NUAK2: variants seen among roughly 807,000 people sequenced by gnomAD.
NUAK2 encodes the protein NUAK family kinase 2.
NUAK2 carries 20 observed loss-of-function variants against 29.8 expected under a neutral mutation model. The ratio of observed to expected loss-of-function variants is 0.67; its 90% CI spans 0.47 to 0.98. The LOEUF is 0.98. Ranked by LOEUF, NUAK2 falls within the 50% of genes least tolerant of loss-of-function variation. The pLI, the probability that NUAK2 is intolerant of heterozygous loss-of-function variation, is 0.00. For missense variants in NUAK2, 719 were observed against 834.5 expected, an observed-to-expected ratio of 0.86 and a Z score of 1.71; for synonymous variants, 331 against 342.6, an observed-to-expected ratio of 0.97 and a Z score of 0.37.
At position 205,321,505 on chromosome 1, in the gene NUAK2, G is replaced by A; in HGVS notation, c.124C>T (p.Arg42Trp). Reference protein sequence around the residue: ...KPLMKKQAVKRHHHKHNLRHR... With the variant: ...KPLMKKQAVKWHHHKHNLRHR... ...CGCAGGTTGTGCTTGTGGTGGTGCC[G>A]CTTCACCGCCTGCTTCTTCATTAGG... The change falls in exon 1 of 7, where the codon CGG (arginine) becomes TGG (tryptophan). Residue 42 changes from arginine (R) to tryptophan (W), a missense_variant. Coordinates refer to ENST00000367157, the MANE Select transcript of NUAK2 (RefSeq NM_030952.3). 1.2e-6 allele frequency: 2 copies of A among 1,613,970 alleles called. No homozygotes were observed. The highest frequency in any genetic ancestry group is 1.7e-6 in the Non-Finnish European group (2 of 1,179,892).
intron 1 of NUAK2, among the ~76,000 whole-genome samples, chr1:205,314,909 G>A (rs1394591676): frequency 6.6e-6 from 1 of 152,136 alleles, no homozygotes; most frequent in Non-Finnish European, 1.5e-5. Context: ...CCAAAAAAGG[G>A]AGAAAGGGGT....
At chr1:205,309,014 C>CA (rs1473843368) in intron 2 of NUAK2, among the ~76,000 whole-genome samples, 5 of 151,696 alleles carry the variant, frequency 3.3e-5, no homozygotes, top group African/African-American at 1.2e-4. Flanking sequence ...CCTGCCCTTT[C>CA]AGGAAGGCAG....
intron 4 of NUAK2, 118 bp from the exon 5 acceptor site, chr1:205,306,425 TC>T: frequency 7.4e-7 from 1 of 1,342,874 alleles, no homozygotes; most frequent in Non-Finnish European, 1.0e-6. Context: ...AAGGAAAGGG[TC>T]CCCATGACCC....
Position 205,304,014 on chromosome 1 carries a change from G to C in NUAK2, c.1323C>G (p.Pro441=), listed in dbSNP as rs41264881. The C allele has an allele frequency of 0.14, 225,413 of 1,613,920 alleles. 16,920 individuals carry two copies. The highest frequency in any genetic ancestry group is 0.15 in the Non-Finnish European group (182,517 of 1,179,926). The change falls in exon 7 of 7, where the codon CCC becomes CCG. Residue 441 remains proline, a synonymous_variant. Coordinates refer to ENST00000367157, the MANE Select transcript of NUAK2 (RefSeq NM_030952.3). The surrounding 1 kb of genome is among the most constrained non-coding windows in gnomAD (Gnocchi z 6.5). ...TGAGAATGCCCTTCTTGGGGAGCAG[G>C]GGGGCAGCCTGCCCTGGGCTCGCAG... ...PIPASPGQAA[P]LLPKKGILKK...
intron 1 of NUAK2, among the ~76,000 whole-genome samples, chr1:205,314,221 C>A (rs1457436346): frequency 6.6e-6 from 1 of 152,232 alleles, no homozygotes; most frequent in African/African-American, 2.4e-5. Context: ...CCCACTCCTC[C>A]CCCAGAGCTT....
rs1422487391 is a variant in NUAK2 at position 205,306,306 on chromosome 1, A to G, written c.572T>C (p.Ile191Thr). Residue 191 changes from isoleucine to threonine, a missense_variant and splice_region_variant, in exon 5 of 7, where the codon ATT becomes ACT. By Grantham distance (89) the Ile-to-Thr change is moderately conservative. This residue lies in a region of NUAK2 where 283 missense variants were observed against 345.6 expected (regional missense o/e 0.82). Transcript: ENST00000367157. ...GAGGTTGGAGAGACCGAAGTCAGCA[A>G]TCTGCAGGATTGAGTCAAACACGGG... is the stretch of plus-strand genomic sequence containing the variant. Reference protein sequence around the residue: ...ILLDANGNIKIADFGLSNLYH... With the variant: ...ILLDANGNIKTADFGLSNLYH... 6.2e-7 allele frequency: 1 copy of G among 1,610,628 alleles called. No individual in the cohort carries two copies. The highest frequency in any genetic ancestry group is 1.1e-5 in the South Asian group (1 of 90,626).
chr1:205,320,851 A>G (rs758766638), intron 1 of NUAK2, among the ~76,000 whole-genome samples: 5 of 152,134 alleles, frequency 3.3e-5, no homozygotes, highest in Non-Finnish European at 5.9e-5. Flanking sequence ...TCATAATGAA[A>G]TTTCAACTAA....
At chr1:205,319,401 G>A (rs1385372124) in intron 1 of NUAK2, among the ~76,000 whole-genome samples, 1 of 152,170 alleles carries the variant, frequency 6.6e-6, no homozygotes, top group South Asian at 2.1e-4. Flanking sequence ...GGAATCAAAT[G>A]AGATCTCTCT....
Position 205,321,685 on chromosome 1 carries a change from C to G in NUAK2, c.-57G>C. On this transcript the variant is annotated 5_prime_UTR_variant, in exon 1 of 7. Coordinates refer to ENST00000367157, the MANE Select transcript of NUAK2 (RefSeq NM_030952.3). ...GAATCAGTAGGCTGTGCGGGGAGGG[C>G]TGAAGCGCGGGGCACAGGTCCCGCA... The G allele has an allele frequency of 1.4e-6, 2 of 1,455,944 alleles. No individual in the cohort carries two copies. The highest frequency in any genetic ancestry group is 1.9e-6 in the Non-Finnish European group (2 of 1,068,294). 90.2% of individuals were successfully genotyped at this position (1,455,944 alleles called of 1,614,324 possible).
chr1:205,303,733 C>G lies in NUAK2; in HGVS notation c.1604G>C (p.Arg535Pro), dbSNP rs563402132. The G allele has an allele frequency of 6.5e-7, 1 of 1,538,760 alleles. No individual in the cohort carries two copies. Among genetic ancestry groups the G allele is most frequent in the Non-Finnish European group, 8.7e-7 (1 of 1,144,404 alleles). ...CACAGCCCCTGAGGGTCGGCTGGCCCGGGCCAGGGGGCGAGGTGGGGCGAG... is the reference window on the plus strand; with the variant it reads ...CACAGCCCCTGAGGGTCGGCTGGCCGGGGCCAGGGGGCGAGGTGGGGCGAG... The part of the protein sequence containing the change: ...DELAPPRPLA[R>P]ASRPSGAVSE... The change falls in exon 7 of 7, where the codon CGG becomes CCG. Residue 535 changes from arginine (R) to proline (P), a missense_variant. Around this residue, in one of 3 missense-constraint regions of NUAK2, gnomAD observed 430 missense variants for 465.7 expected, o/e 0.92. Transcript: ENST00000367157.
intron 2 of NUAK2, among the ~76,000 whole-genome samples, chr1:205,309,443 C>T (rs1195908458): frequency 2.0e-5 from 3 of 152,180 alleles, no homozygotes; most frequent in African/African-American, 4.8e-5. Flanking sequence ...TCTCCTGCCT[C>T]ACCCTCTCGA....
At chr1:205,315,743 C>T (rs114481844) in intron 1 of NUAK2, among the ~76,000 whole-genome samples, 2,689 of 152,148 alleles carry the variant, frequency 0.018, 92 homozygotes, top group African/African-American at 0.061. Context: ...CCTGGTGATG[C>T]ATTCCTGTAA....
In NUAK2 at chr1:205,303,695, T is replaced by C. The variant is rs1662123997; in HGVS notation, c.1642A>G (p.Ile548Val). 4 of 1,545,158 alleles carry C rather than the reference T, an allele frequency of 2.6e-6. No individual in the cohort carries two copies. The highest frequency in any genetic ancestry group is 3.5e-6 in the Non-Finnish European group (4 of 1,147,436). The change falls in exon 7 of 7, where the codon ATC (isoleucine) becomes GTC (valine). Residue 548 changes from isoleucine (I) to valine (V), a missense_variant. This residue lies in a region of NUAK2 where 430 missense variants were observed against 465.7 expected (regional missense o/e 0.92). Transcript: ENST00000367157. ...TGGTCAAAGGACTCAGAGGACAGGATGCTGTCCTCGCTCACAGCCCCTGAG... is the reference window on the plus strand; with the variant it reads ...TGGTCAAAGGACTCAGAGGACAGGACGCTGTCCTCGCTCACAGCCCCTGAG... ...RPSGAVSEDS[I>V]LSSESFDQLD...
Position 205,303,345 on chromosome 1 carries a change from G to A in NUAK2, c.*105C>T. ...CCACTGCAAACCCTCTCAGCCTTCT[G>A]AGCTGGGATGCAGGTCCTGGGAGGT... On this transcript the variant is annotated 3_prime_UTR_variant, in exon 7 of 7. Coordinates refer to ENST00000367157, the MANE Select transcript of NUAK2 (RefSeq NM_030952.3). 3 of 1,025,388 alleles carry A rather than the reference G, an allele frequency of 2.9e-6. No individual in the cohort carries two copies. The highest frequency in any genetic ancestry group is 1.6e-5 in the African/African-American group (1 of 61,460). The allele number at this position is 1,025,388 out of a possible 1,614,324, so 63.5% of individuals were successfully genotyped here.
chr1:205,302,127 T>C lies in NUAK2; in HGVS notation c.*1323A>G, dbSNP rs1287591784. On this transcript the variant is annotated 3_prime_UTR_variant, in exon 7 of 7. Coordinates refer to ENST00000367157, the MANE Select transcript of NUAK2 (RefSeq NM_030952.3). ...ACGGAGGTCCATTAGGTAGAGACCA[T>C]TAGGTAAAGAGACTCAAGAGTGTGG... The C allele has an allele frequency of 6.6e-6, 1 of 152,402 alleles. No individual in the cohort carries two copies. The highest frequency in any genetic ancestry group is 6.6e-5 in the Admixed American group (1 of 15,244). The allele number at this position is 152,402 out of a possible 1,614,324, so 9.4% of individuals were successfully genotyped here.
At chr1:205,306,934 TC>T (rs1662189715) in intron 4 of NUAK2, among the ~76,000 whole-genome samples, 1 of 152,206 alleles carries the variant, frequency 6.6e-6, no homozygotes, top group African/African-American at 2.4e-5. Context: ...AAGGGCTCAT[TC>T]CTGTGTGCAC....
chr1:205,305,772 C>CA (rs1662171392), intron 5 of NUAK2, among the ~76,000 whole-genome samples: 1 of 152,168 alleles, frequency 6.6e-6, no homozygotes, highest in South Asian at 2.1e-4. Context: ...AGTGCAGTGG[C>CA]ATGATCCTGG....
chr1:205,321,455 G>C lies in NUAK2; in HGVS notation c.174C>G (p.Thr58=), dbSNP rs775804670. 3 of 1,613,988 alleles carry C rather than the reference G, an allele frequency of 1.9e-6. No individual in the cohort carries two copies. The highest frequency in any genetic ancestry group is 2.2e-5 in the South Asian group (2 of 91,078). ...NLRHRYEFLE[T]LGKGTYGKVK... is the part of the protein sequence containing the mutation. Reference sequence around the variant, plus strand: ...CCTTCCCGTAGGTGCCTTTGCCCAGGGTCTCCAGGAACTCGTAGCGGTGCC... The same window carrying C: ...CCTTCCCGTAGGTGCCTTTGCCCAGCGTCTCCAGGAACTCGTAGCGGTGCC... The change falls in exon 1 of 7, where the codon ACC becomes ACG. Residue 58 remains threonine (T), a synonymous_variant. Coordinates refer to ENST00000367157, the MANE Select transcript of NUAK2 (RefSeq NM_030952.3).
intron 1 of NUAK2, among the ~76,000 whole-genome samples, chr1:205,312,836 T>C (rs1237104174): frequency 6.6e-6 from 1 of 152,024 alleles, no homozygotes; most frequent in East Asian, 1.9e-4. Flanking sequence ...TAGGAATAAA[T>C]TACATGTGGT....
Sources: allele counts gnomAD v4.1 joint callset (sites outside exome capture counted in the v4.1 genomes callset), GRCh38; gene constraint gnomAD v4.1.1; regional missense constraint gnomAD v4.1.1; non-coding constraint Gnocchi (gnomAD v3.1); transcripts MANE v1.5; gene names NCBI Gene and HGNC (gene_info 2026-07-23, HGNC 2026-07-21).